Variants in PPM1D observed in about 807,000 individuals in gnomAD.
PPM1D encodes protein phosphatase 1D.
In PPM1D, 52 loss-of-function variants were observed where a neutral mutation model predicts 58.3. The ratio of observed to expected loss-of-function variants is 0.89; its 90% CI spans 0.71 to 1.12. PPM1D has a LOEUF of 1.12. Among genes scored for constraint, PPM1D ranks in the 50% most tolerant of loss-of-function variants. PPM1D has a pLI of 0.00. For missense variants in PPM1D, 564 were observed against 777.2 expected (o/e 0.73, Z 3.26); for synonymous variants, 278 against 285.1 (o/e 0.98, Z 0.25).
chr17:60,613,114 G>A (rs2143634567), intron 1 of PPM1D, among the ~76,000 whole-genome samples: 1 of 152,162 alleles, frequency 6.6e-6, no homozygotes, highest in Non-Finnish European at 1.5e-5. Context: ...TTCAGTCTGT[G>A]GAATTGGGGA....
intron 3 of PPM1D, among the ~76,000 whole-genome samples, chr17:60,644,731 A>G (rs541465372): frequency 3.9e-5 from 6 of 152,322 alleles, no homozygotes; most frequent in African/African-American, 1.4e-4. Context: ...CAAAAGAACT[A>G]CTGGAATTAA....
chr17:60,653,440 C>T (rs1010889418), intron 4 of PPM1D, among the ~76,000 whole-genome samples: 2 of 152,084 alleles, frequency 1.3e-5, no homozygotes, highest in African/African-American at 2.4e-5. Context: ...TTACTGTAGC[C>T]CTCTAGTATA....
At chr17:60,649,014 C>A (rs565027989) in intron 4 of PPM1D, among the ~76,000 whole-genome samples, 1 of 152,054 alleles carries the variant, frequency 6.6e-6, no homozygotes, top group East Asian at 1.9e-4. Context: ...ATGCCTCAGC[C>A]CCACAAAGTG....
intron 2 of PPM1D, among the ~76,000 whole-genome samples, chr17:60,633,411 T>C (rs2030966436): frequency 6.6e-6 from 1 of 152,172 alleles, no homozygotes; most frequent in African/African-American, 2.4e-5. Flanking sequence ...TGCCTATTTA[T>C]TTATTTATTT....
intron 2 of PPM1D, among the ~76,000 whole-genome samples, chr17:60,627,391 C>T (rs951180430): frequency 6.6e-6 from 1 of 151,938 alleles, no homozygotes; most frequent in African/African-American, 2.4e-5. Context: ...TACAGGTGCA[C>T]GTGTGCCAAC....
intron 1 of PPM1D, among the ~76,000 whole-genome samples, chr17:60,609,423 C>T (rs80080259): frequency 0.05 from 7,074 of 141,930 alleles, 585 homozygotes; most frequent in African/African-American, 0.2. Context: ...TATATGACAT[C>T]TTACTATATG....
chr17:60,605,338 A>G (rs1017255674), intron 1 of PPM1D, among the ~76,000 whole-genome samples: 1 of 152,224 alleles, frequency 6.6e-6, no homozygotes, highest in Non-Finnish European at 1.5e-5. Flanking sequence ...TAGAATCCCT[A>G]TAAAGATTAC....
intron 3 of PPM1D, among the ~76,000 whole-genome samples, chr17:60,645,624 G>A (rs957292234): frequency 1.5e-5 from 2 of 131,818 alleles, no homozygotes; most frequent in Non-Finnish European, 3.2e-5. Context: ...ATATATATAT[G>A]TATATGTATA....
chr17:60,616,423 C>T (rs1443659612), intron 1 of PPM1D, among the ~76,000 whole-genome samples: 1 of 151,988 alleles, frequency 6.6e-6, no homozygotes, highest in Non-Finnish European at 1.5e-5. Flanking sequence ...GCCTGGCGAA[C>T]ATGGTGAAAT....
chr17:60,645,538 A>ATATATATGTATATATATGTGTGTG (rs2031226214), intron 3 of PPM1D, among the ~76,000 whole-genome samples: 3 of 108,496 alleles, frequency 2.8e-5, no homozygotes, highest in South Asian at 2.4e-4. Flanking sequence ...ATATATGTGT[A>ATATATATGTATATATATGTGTGTG]TATATATGTA....
rs368245993 is a variant in PPM1D, at chr17:60,648,047, A to G, written c.982A>G (p.Met328Val). The change falls in exon 4 of 6, where the codon ATG becomes GTG. Residue 328 changes from methionine (M) to valine (V), a missense_variant. Around this residue, in one of 7 missense-constraint regions of PPM1D, gnomAD observed 34 missense variants for 34.3 expected, o/e 0.99. Transcript: ENST00000305921. ...GATTCCACCACAAGATGCCATCTCA[A>G]TGTGCCAGGACCAAGAGGAGAAAAA... Reference protein sequence around the residue: ...NMIPPQDAISMCQDQEEKKYL... With the variant: ...NMIPPQDAISVCQDQEEKKYL... The G allele has an allele frequency of 3.7e-6, 6 of 1,613,496 alleles. No individual in the cohort carries two copies. The highest frequency in any genetic ancestry group is 1.7e-5 in the Admixed American group (1 of 59,882).
At chr17:60,657,325 A>G (rs973571192) in intron 5 of PPM1D, among the ~76,000 whole-genome samples, 35 of 152,198 alleles carry the variant, frequency 2.3e-4, no homozygotes, top group Admixed American at 1.8e-3. Flanking sequence ...CCTATTTCTT[A>G]TCCATGTTAA....
intron 5 of PPM1D, among the ~76,000 whole-genome samples, chr17:60,660,496 C>T (rs2031507989): frequency 2.0e-5 from 3 of 151,830 alleles, no homozygotes; most frequent in Middle Eastern, 3.2e-3. Flanking sequence ...ATGATTAGAT[C>T]GAGATCATTT....
At chr17:60,661,353 G>T (rs1567978819) in intron 5 of PPM1D, among the ~76,000 whole-genome samples, 1 of 139,414 alleles carries the variant, frequency 7.2e-6, no homozygotes, top group Non-Finnish European at 1.5e-5. Context: ...TGATACATTT[G>T]ATTGAGAGTC....
At chr17:60,626,522 G>A (rs537090064) in intron 2 of PPM1D, among the ~76,000 whole-genome samples, 1 of 151,702 alleles carries the variant, frequency 6.6e-6, no homozygotes, top group Admixed American at 6.6e-5. Context: ...AGCCTCTCTA[G>A]TAGCTGGGAC....
chr17:60,621,485 C>G (rs2030700807), intron 1 of PPM1D, among the ~76,000 whole-genome samples: 1 of 152,076 alleles, frequency 6.6e-6, no homozygotes, highest in Non-Finnish European at 1.5e-5. Context: ...GCCTCCACCT[C>G]CTGGGTTCAA....
At chr17:60,635,590 G>T (rs999445723) in intron 3 of PPM1D, among the ~76,000 whole-genome samples, 1 of 152,054 alleles carries the variant, frequency 6.6e-6, no homozygotes, top group Non-Finnish European at 1.5e-5. Flanking sequence ...TTTTTGTGTC[G>T]TAACACTCAC....
intron 1 of PPM1D, among the ~76,000 whole-genome samples, chr17:60,622,944 A>G (rs2030735616): frequency 6.6e-6 from 1 of 152,160 alleles, no homozygotes; most frequent in Admixed American, 6.6e-5. Flanking sequence ...TAAAAATACA[A>G]AAATTAGCTG....
At chr17:60,615,675 C>CTTTTTTT (rs746657008) in intron 1 of PPM1D, among the ~76,000 whole-genome samples, 3 of 124,838 alleles carry the variant, frequency 2.4e-5, no homozygotes, top group Non-Finnish European at 3.5e-5. Context: ...TTTCTTTTTA[C>CTTTTTTT]TTTTTTTTTT....
Sources: allele counts gnomAD v4.1 joint callset (sites outside exome capture counted in the v4.1 genomes callset), GRCh38; gene constraint gnomAD v4.1.1; regional missense constraint gnomAD v4.1.1; transcripts MANE v1.5; gene names NCBI Gene and HGNC (gene_info 2026-07-23, HGNC 2026-07-21).